Variants in CFAP54 observed in about 807,000 individuals in gnomAD.
CFAP54 encodes cilia- and flagella-associated protein 54.
Under a neutral mutation model 370.4 loss-of-function variants are expected in CFAP54, and 290 were observed. That is an observed-to-expected ratio of 0.78 (90% CI 0.71 to 0.86). The LOEUF (loss-of-function observed/expected upper bound fraction) is 0.86. Ranked by LOEUF, CFAP54 falls within the 40% of genes least tolerant of loss-of-function variation. The pLI, the probability that CFAP54 is intolerant of heterozygous loss-of-function variation, is 0.00. For missense variants in CFAP54, 3,399 were observed against 3,528.7 expected (o/e 0.96, Z 0.93); for synonymous variants, 1,206 against 1,236.5 (o/e 0.98, Z 0.52).
At chr12:96,636,692 A>G (rs1041661035) in intron 32 of CFAP54, among the ~76,000 whole-genome samples, 3 of 152,126 alleles carry the variant, frequency 2.0e-5, no homozygotes, top group Non-Finnish European at 4.4e-5. Flanking sequence ...GTGGTGGCTC[A>G]TGCTTGTAAT....
At chr12:96,725,294 C>G (rs1403036716) in intron 50 of CFAP54, among the ~76,000 whole-genome samples, 1 of 151,564 alleles carries the variant, frequency 6.6e-6, no homozygotes, top group Non-Finnish European at 1.5e-5. Flanking sequence ...GATATTGATT[C>G]TTCCTACCCA....
intron 4 of CFAP54, among the ~76,000 whole-genome samples, chr12:96,512,374 G>C (rs1043449185): frequency 2.8e-5 from 3 of 108,456 alleles, no homozygotes; most frequent in African/African-American, 1.0e-4. Context: ...ATGGAGTCTT[G>C]CTCTGTCGCC....
At chr12:96,780,989 T>C (rs1005207503) in intron 60 of CFAP54, among the ~76,000 whole-genome samples, 2 of 152,140 alleles carry the variant, frequency 1.3e-5, no homozygotes, top group Admixed American at 1.3e-4. Context: ...ACAAAGTTTT[T>C]TGAGAATGCG....
intron 19 of CFAP54, among the ~76,000 whole-genome samples, chr12:96,571,915 A>C (rs1955922034): frequency 6.6e-6 from 1 of 152,210 alleles, no homozygotes; most frequent in African/African-American, 2.4e-5. Flanking sequence ...TATCTGATTT[A>C]CCTAAATCAA....
chr12:96,631,741 G>A (rs2136476913), intron 32 of CFAP54, among the ~76,000 whole-genome samples: 1 of 148,502 alleles, frequency 6.7e-6, no homozygotes, highest in Non-Finnish European at 1.5e-5. Context: ...ATTATATATT[G>A]TATAATAAAT....
At chr12:96,817,669 C>G (rs2136735898) in intron 64 of CFAP54, 106 bp from the exon 65 acceptor site, 5 of 523,060 alleles carry the variant, frequency 9.6e-6, no homozygotes, top group Non-Finnish European at 2.9e-6. Context: ...ATCCACCCGC[C>G]TCGGCCTCCC....
chr12:96,606,633 T>C (rs1305669562), intron 26 of CFAP54, among the ~76,000 whole-genome samples: 3 of 152,198 alleles, frequency 2.0e-5, no homozygotes, highest in Non-Finnish European at 4.4e-5. Context: ...TCCCCGACTT[T>C]TCTCTTTTTC....
At chr12:96,773,155 A>G (rs1397546192) in intron 60 of CFAP54, among the ~76,000 whole-genome samples, 1 of 152,256 alleles carries the variant, frequency 6.6e-6, no homozygotes, top group Non-Finnish European at 1.5e-5. Context: ...TGGGAGAGCT[A>G]AAGAAACCAA....
chr12:96,506,933 T>A lies in CFAP54; in HGVS notation c.573T>A (p.His191Gln). 1.3e-6 allele frequency: 2 copies of A among 1,530,036 alleles called. No homozygotes were observed. Among genetic ancestry groups the A allele is most frequent in the Non-Finnish European group, 1.7e-6 (2 of 1,145,260 alleles). 94.8% of individuals were successfully genotyped at this position (1,530,036 alleles called of 1,614,324 possible). ...FKDKTAGLTF[H>Q]ALSGKNMCNY... ...TATTTTCCCATGTGTTTCAGTTTCA[T>A]GCTTTGAGTGGCAAAAATATGTGCA... The change falls in exon 4 of 68, where the codon CAT (histidine) becomes CAA (glutamine). Residue 191 changes from histidine to glutamine, a missense_variant. Physicochemically the swap from His to Gln is conservative, Grantham distance 24 (BLOSUM62 0). Coordinates refer to ENST00000524981, the MANE Select transcript of CFAP54 (RefSeq NM_001306084.2).
At chr12:96,716,111 C>T (rs1313158133) in intron 48 of CFAP54, among the ~76,000 whole-genome samples, 2 of 151,952 alleles carry the variant, frequency 1.3e-5, no homozygotes, top group Non-Finnish European at 2.9e-5. Flanking sequence ...TTAGCATGTC[C>T]ATTCAATTTC....
Position 96,521,916 on chromosome 12 carries a change from T to C in CFAP54, c.1002T>C (p.Ser334=). ...IDELRQLELM[S]SSKSQEESRR... is the part of the protein sequence containing the mutation. ...AGTTAAGGCAACTGGAATTAATGAG[T>C]TCCTCAAAATCCCAGGAAGAATCGC... Residue 334 remains serine, a synonymous_variant, in exon 7 of 68, where the codon AGT becomes AGC. Transcript: ENST00000524981. 1.3e-6 allele frequency: 2 copies of C among 1,534,714 alleles called. No individual in the cohort carries two copies. Among genetic ancestry groups the C allele is most frequent in the South Asian group, 1.2e-5 (1 of 83,988 alleles).
rs186533535 is a variant in CFAP54 at position 96,621,463 on chromosome 12, T to A, written c.3640-127T>A. 921 of 602,252 alleles carry A rather than the reference T, an allele frequency of 1.5e-3. 5 individuals are homozygous for A. In the African/African-American group the frequency reaches 0.016, roughly 10 times the overall value. 37.3% of individuals were successfully genotyped at this position (602,252 alleles called of 1,614,324 possible). On this transcript the variant is annotated intron_variant, in intron 26 of 67. Transcript: ENST00000524981. Reference sequence around the variant, plus strand: ...CTGGAGGTAAACTTACGGTTTTTTTTAAAATAAAAGGGGGATTCTTAGACT... The same window carrying A: ...CTGGAGGTAAACTTACGGTTTTTTTAAAAATAAAAGGGGGATTCTTAGACT...
intron 63 of CFAP54, among the ~76,000 whole-genome samples, chr12:96,811,491 C>G (rs1236139735): frequency 1.3e-5 from 2 of 152,134 alleles, no homozygotes; most frequent in Non-Finnish European, 2.9e-5. Context: ...AATTGCAATA[C>G]AAAATGTCAC....
chr12:96,624,697 T>C (rs971095427), intron 28 of CFAP54, among the ~76,000 whole-genome samples: 1 of 152,182 alleles, frequency 6.6e-6, no homozygotes, highest in African/African-American at 2.4e-5. Context: ...CCCCATGGCC[T>C]TTGGGGATGA....
rs1401331011 is a variant in CFAP54, at chr12:96,764,217, T to C, written c.8107T>C (p.Leu2703=). The C allele has an allele frequency of 6.2e-7, 1 of 1,613,266 alleles. No individual in the cohort carries two copies. Among genetic ancestry groups the C allele is most frequent in the East Asian group, 2.2e-5 (1 of 44,840 alleles). The change falls in exon 59 of 68, where the codon TTA becomes CTA. Residue 2703 remains leucine (L), a synonymous_variant. Transcript: ENST00000524981. ...SANKFEMYSS[L]AWIAIRAAAQ... is the part of the protein sequence containing the mutation. ...AAATAAATTTGAAATGTACAGTTCA[T>C]TAGCCTGGATTGCAATAAGAGCTGC...
chr12:96,772,702 C>A (rs1958475771), intron 60 of CFAP54, among the ~76,000 whole-genome samples: 1 of 151,398 alleles, frequency 6.6e-6, no homozygotes, highest in African/African-American at 2.4e-5. Context: ...TCACTGCAAT[C>A]TCTGCTTCCT....
intron 40 of CFAP54, among the ~76,000 whole-genome samples, chr12:96,681,370 CTTTTT>C (rs202097088): frequency 6.7e-5 from 9 of 134,802 alleles, no homozygotes; most frequent in African/African-American, 8.3e-5. Context: ...AAGGTTTTTC[CTTTTT>C]TTTTTTTTTT....
At chr12:96,649,632 C>G (rs1370130732) in intron 34 of CFAP54, among the ~76,000 whole-genome samples, 2 of 152,148 alleles carry the variant, frequency 1.3e-5, no homozygotes, top group Non-Finnish European at 2.9e-5. Context: ...TGCATTGTTC[C>G]TTTTGCCATC....
intron 22 of CFAP54, among the ~76,000 whole-genome samples, chr12:96,584,786 C>A (rs1462686151): frequency 3.9e-5 from 6 of 152,144 alleles, no homozygotes; most frequent in Admixed American, 2.0e-4. Flanking sequence ...GCAGCAGAGT[C>A]CAAGCAGCTC....
Sources: allele counts gnomAD v4.1 joint callset (sites outside exome capture counted in the v4.1 genomes callset), GRCh38; gene constraint gnomAD v4.1.1; transcripts MANE v1.5; gene names NCBI Gene and HGNC (gene_info 2026-07-23, HGNC 2026-07-21).